Variants in APP observed in about 807,000 individuals in gnomAD.
APP encodes amyloid beta precursor protein.
Under a neutral mutation model 101.4 loss-of-function variants are expected in APP, and 31 were observed. The ratio of observed to expected loss-of-function variants is 0.31; its 90% CI spans 0.23 to 0.41. The LOEUF (loss-of-function observed/expected upper bound fraction) is 0.41. APP is among the 10% of genes least tolerant of loss of function. The pLI is 1.00. For synonymous variants in APP, 366 were observed against 364.4 expected (o/e 1.00, Z -0.05); for missense variants, 839 against 1,003.7 (o/e 0.84, Z 2.22).
chr21:25,952,517 T>C (rs1021397173), intron 13 of APP, among the ~76,000 whole-genome samples: 2 of 152,196 alleles, frequency 1.3e-5, no homozygotes, highest in Admixed American at 1.3e-4. Flanking sequence ...AACCACCATC[T>C]GTTCTGTGGA....
intron 11 of APP, among the ~76,000 whole-genome samples, chr21:25,964,131 C>T (rs1427219636): frequency 1.3e-5 from 2 of 152,150 alleles, no homozygotes. Context: ...GGAGTTATCC[C>T]AATGTTCCTT....
At chr21:25,934,746 T>C (rs1212424839) in intron 13 of APP, 1 of 152,278 alleles carries the variant, frequency 6.6e-6, no homozygotes, top group Non-Finnish European at 1.5e-5. Context: ...ATGTGGTTTC[T>C]TAGTGAGTCC....
At position 25,954,594 on chromosome 21, in the gene APP, T is replaced by TTCA; in HGVS notation, c.1680_1682dup (p.Asp560dup). 1 of 1,612,852 alleles carries TTCA rather than the reference T, an allele frequency of 6.2e-7. No individual in the cohort carries two copies. Among genetic ancestry groups the TTCA allele is most frequent in the Non-Finnish European group, 8.5e-7 (1 of 1,178,976 alleles). On this transcript the variant is annotated inframe_insertion, in exon 13 of 18. Coordinates refer to ENST00000346798, the MANE Select transcript of APP (RefSeq NM_000484.4). The stretch of plus-strand genomic sequence containing the variant: ...TCAAAAGAACAGCTTACTTACCAAC[T>TTCA]TCATCCTGAATCTCCTCGGCCACTG...
chr21:25,974,993 G>T, intron 11 of APP, 77 bp downstream of exon 11: 2 of 1,586,062 alleles, frequency 1.3e-6, no homozygotes, highest in Non-Finnish European at 1.7e-6. Context: ...TTTTTGTATG[G>T]CTTCCAGTTC....
At chr21:26,062,756 T>A (rs1364811385) in intron 3 of APP, among the ~76,000 whole-genome samples, 2 of 151,968 alleles carry the variant, frequency 1.3e-5, no homozygotes, top group Admixed American at 6.6e-5. Context: ...CAAATTTTTT[T>A]ATATTTTTTA....
intron 8 of APP, among the ~76,000 whole-genome samples, chr21:25,994,331 G>GA (rs1555838721): frequency 6.6e-6 from 1 of 150,698 alleles, no homozygotes; most frequent in Non-Finnish European, 1.5e-5. Context: ...ATGAGAAAGG[G>GA]TTTTTTTTTA....
intron 5 of APP, among the ~76,000 whole-genome samples, chr21:26,033,896 A>G (rs568172721): frequency 1.4e-4 from 21 of 152,328 alleles, no homozygotes; most frequent in African/African-American, 4.8e-4. Flanking sequence ...AACAGAGGAT[A>G]CAGGAGGAAT....
In APP at chr21:26,023,043, G is replaced by A. The variant is rs2044412912; in HGVS notation, c.663-1001C>T. ...GCCCTGTGGTCAGGGATGCCTGCTGGAACTCACACAGGTGGAAGATGAAAC... is the reference window on the plus strand; with the variant it reads ...GCCCTGTGGTCAGGGATGCCTGCTGAAACTCACACAGGTGGAAGATGAAAC... On this transcript the variant is annotated intron_variant, in intron 5 of 17. Transcript: ENST00000346798. Among the ~76,000 whole-genome samples, 3 of 149,430 alleles carry A rather than the reference G, an allele frequency of 2.0e-5. No homozygotes were observed. In the South Asian group the frequency reaches 6.5e-4, roughly 32 times the overall value.
intron 1 of APP, among the ~76,000 whole-genome samples, chr21:26,136,149 G>C (rs184997521): frequency 3.7e-5 from 3 of 82,072 alleles, no homozygotes; most frequent in South Asian, 4.1e-4. Context: ...AAAAAGAAAA[G>C]AAAAGAAAAG....
chr21:26,121,780 C>T (rs943839817), intron 1 of APP, among the ~76,000 whole-genome samples: 1 of 152,198 alleles, frequency 6.6e-6, no homozygotes. Context: ...CGCTAATATG[C>T]TTAATGCACA....
chr21:26,065,468 A>T (rs1353503705), intron 3 of APP, among the ~76,000 whole-genome samples: 1 of 152,210 alleles, frequency 6.6e-6, no homozygotes, highest in Non-Finnish European at 1.5e-5. Flanking sequence ...TAAATTTTTT[A>T]AAAATTCAAG....
chr21:26,155,721 C>T lies in APP; in HGVS notation c.57+14843G>A, dbSNP rs578241902. 3.9e-5 allele frequency among the ~76,000 whole-genome samples: 6 copies of T among 152,192 alleles called. No individual in the cohort carries two copies. The South Asian group carries it at 8.3e-4, about 21-fold the overall frequency. On this transcript the variant is annotated intron_variant, in intron 1 of 17. Transcript: ENST00000346798. The stretch of plus-strand genomic sequence containing the variant: ...TAAAAATAATTGATATCTGGCTGGG[C>T]GCGGTGGCTCATGCCTGTAATCCCA...
At chr21:26,107,999 T>G (rs1408069551) in intron 2 of APP, among the ~76,000 whole-genome samples, 1 of 152,212 alleles carries the variant, frequency 6.6e-6, no homozygotes, top group Non-Finnish European at 1.5e-5. Flanking sequence ...CCTTGTTCCC[T>G]GACTTGCAAC....
At chr21:25,900,256 A>C (rs2038354495) in intron 15 of APP, among the ~76,000 whole-genome samples, 1 of 152,030 alleles carries the variant, frequency 6.6e-6, no homozygotes, top group South Asian at 2.1e-4. Flanking sequence ...CAACGTGCCA[A>C]GCACGGTGGC....
At chr21:26,170,413 G>T in intron 1 of APP, 151 bp downstream of exon 1, 1 of 830,758 alleles carries the variant, frequency 1.2e-6, no homozygotes, top group Non-Finnish European at 1.8e-6. Context: ...AAGCGGGGAT[G>T]CGCTGGACGT....
At chr21:25,935,194 T>A (rs904737847) in intron 13 of APP, 6 of 152,228 alleles carry the variant, frequency 3.9e-5, no homozygotes, top group Admixed American at 3.9e-4. Flanking sequence ...AGTCAGCTGT[T>A]GTACCTGTGT....
At chr21:26,059,932 G>T (rs1323072206) in intron 3 of APP, among the ~76,000 whole-genome samples, 2 of 142,398 alleles carry the variant, frequency 1.4e-5, no homozygotes, top group East Asian at 4.8e-4. Flanking sequence ...AAGAGAGGGT[G>T]AGACTGAGAG....
chr21:25,971,049 C>T (rs989791578), intron 11 of APP, among the ~76,000 whole-genome samples: 2 of 151,754 alleles, frequency 1.3e-5, no homozygotes, highest in Non-Finnish European at 2.9e-5. Flanking sequence ...ATACAAACAG[C>T]GTTTCTTTTT....
At chr21:26,047,958 A>G (rs1363923279) in intron 5 of APP, among the ~76,000 whole-genome samples, 2 of 152,242 alleles carry the variant, frequency 1.3e-5, no homozygotes, top group Non-Finnish European at 2.9e-5. Context: ...ACTGGATTAA[A>G]TAAAATGTTG....
Sources: allele counts gnomAD v4.1 joint callset (sites outside exome capture counted in the v4.1 genomes callset), GRCh38; gene constraint gnomAD v4.1.1; transcripts MANE v1.5; gene names NCBI Gene and HGNC (gene_info 2026-07-23, HGNC 2026-07-21).